Variants in HNRNPF observed in about 807,000 individuals in gnomAD.
HNRNPF encodes the protein HnRNP F protein.
A neutral mutation model predicts 26.0 loss-of-function variants in HNRNPF; 2 were observed. That is an observed-to-expected ratio of 0.08 (90% confidence interval 0.03 to 0.24). HNRNPF has a LOEUF of 0.24. Among genes scored for constraint, HNRNPF ranks in the 10% least tolerant of loss-of-function variants. The pLI, the probability that HNRNPF is intolerant of heterozygous loss-of-function variation, is 1.00. For synonymous variants in HNRNPF, 234 were observed against 211.5 expected (o/e 1.11, Z -0.92); for missense variants, 299 against 539.2 (o/e 0.55, Z 4.41).
intron 3 of HNRNPF, among the ~76,000 whole-genome samples, chr10:43,391,968 G>A (rs1432897067): frequency 4.6e-5 from 7 of 152,270 alleles, no homozygotes; most frequent in Admixed American, 3.3e-4. Flanking sequence ...TCAAGGCCAC[G>A]TGTGGTGGCT....
At chr10:43,401,661 A>G (rs1436871805) in intron 1 of HNRNPF, among the ~76,000 whole-genome samples, 1 of 152,198 alleles carries the variant, frequency 6.6e-6, no homozygotes, top group East Asian at 1.9e-4. Flanking sequence ...AATTGATAGG[A>G]AGATCAATTT....
chr10:43,408,039 A>G lies in HNRNPF; in HGVS notation c.-247+1092T>C, dbSNP rs1838987422. ...TCAGAGCAAGCGACCCTCCCGCCTC[A>G]GCCTCCCGAGTAGCTGGGACAACAG... On this transcript the variant is annotated intron_variant, in intron 1 of 3. Coordinates refer to ENST00000682386, the MANE Select transcript of HNRNPF (RefSeq NM_001098204.2). 2.6e-5 allele frequency among the ~76,000 whole-genome samples: 4 copies of G among 152,186 alleles called. No individual in the cohort carries two copies. In the South Asian group the frequency reaches 8.3e-4, roughly 31 times the overall value.
At chr10:43,399,768 G>A (rs1838694403) in intron 1 of HNRNPF, among the ~76,000 whole-genome samples, 1 of 152,196 alleles carries the variant, frequency 6.6e-6, no homozygotes, top group Non-Finnish European at 1.5e-5. Flanking sequence ...GACTCACCAA[G>A]AAATACTACG....
rs1008012213 is a variant in HNRNPF at position 43,392,407 on chromosome 10, C to T, written c.-53+2223G>A. Among the ~76,000 whole-genome samples, 3 of 152,086 alleles carry T rather than the reference C, an allele frequency of 2.0e-5. No individual in the cohort carries two copies. In the East Asian group the frequency reaches 5.8e-4, roughly 29 times the overall value. ...TACAAAAATTAGCCAGGCGTCGTGG[C>T]GGGCGCCAGTAATCCCAGCTACTCC... On this transcript the variant is annotated intron_variant, in intron 3 of 3. Transcript: ENST00000682386.
Position 43,408,113 on chromosome 10 carries a change from G to T in HNRNPF, c.-247+1018C>A, listed in dbSNP as rs1399018759. Among the ~76,000 whole-genome samples, 5 of 152,040 alleles carry T rather than the reference G, an allele frequency of 3.3e-5. No individual in the cohort carries two copies. The East Asian group carries it at 9.6e-4, about 29-fold the overall frequency. On this transcript the variant is annotated intron_variant, in intron 1 of 3. Coordinates refer to ENST00000682386, the MANE Select transcript of HNRNPF (RefSeq NM_001098204.2). ...ATTTTTTTTTCTTTACTTTTCAGTA[G>T]AGACAGTCTATGTTGCCCAGGCTTG...
At chr10:43,408,933 C>T (rs1839017818) in intron 1 of HNRNPF, 198 bp downstream of exon 1, 1 of 152,430 alleles carries the variant, frequency 6.6e-6, no homozygotes, top group Non-Finnish European at 1.5e-5. Context: ...CGGCCCCAAT[C>T]CTCAGCGCCT....
In HNRNPF at chr10:43,387,749, T is replaced by C. The variant is rs762990867; in HGVS notation, c.136A>G (p.Ile46Val). The part of the protein sequence containing the change: ...IHDGAAGVHF[I>V]YTREGRQSGE... ...CTCTGCCTGCCCTCTCTAGTGTAGA[T>C]GAAATGGACACCTGCGGCCCCATCA... Residue 46 changes from isoleucine to valine, a missense_variant, in exon 4 of 4, where the codon ATC (isoleucine) becomes GTC (valine). By Grantham distance (29) the Ile-to-Val change is conservative. Transcript: ENST00000682386. The surrounding 1 kb of genome is among the most constrained non-coding windows in gnomAD (Gnocchi z 6.0). The C allele has an allele frequency of 6.2e-7, 1 of 1,613,832 alleles. No individual in the cohort carries two copies. The highest frequency in any genetic ancestry group is 8.5e-7 in the Non-Finnish European group (1 of 1,180,004).
intron 1 of HNRNPF, among the ~76,000 whole-genome samples, chr10:43,398,377 T>A (rs1422787060): frequency 6.7e-6 from 1 of 149,822 alleles, no homozygotes; most frequent in African/African-American, 2.5e-5. Context: ...AGTCTTGCTC[T>A]GTTGCCCGGG....
intron 3 of HNRNPF, among the ~76,000 whole-genome samples, chr10:43,389,176 T>TG (rs1425488756): frequency 2.0e-5 from 3 of 152,078 alleles, no homozygotes; most frequent in Non-Finnish European, 4.4e-5. Flanking sequence ...TTCACCATGT[T>TG]GGCGAGGTTG....
At chr10:43,408,004 A>T (rs753293692) in intron 1 of HNRNPF, among the ~76,000 whole-genome samples, 2 of 152,194 alleles carry the variant, frequency 1.3e-5, no homozygotes, top group Non-Finnish European at 2.9e-5. Flanking sequence ...CTGTCACTGC[A>T]GCCTCGACCT....
intron 1 of HNRNPF, among the ~76,000 whole-genome samples, chr10:43,406,524 A>G (rs2131994012): frequency 6.6e-6 from 1 of 152,190 alleles, no homozygotes; most frequent in Non-Finnish European, 1.5e-5. Flanking sequence ...AGGAGACCCC[A>G]TCTCTACAAA....
chr10:43,396,749 C>T (rs1838539292), intron 1 of HNRNPF, 159 bp from the exon 2 acceptor site: 1 of 152,040 alleles, frequency 6.6e-6, no homozygotes, highest in Non-Finnish European at 1.5e-5. Flanking sequence ...AGCCTCGGAC[C>T]GCCCGGCCCG....
At chr10:43,399,030 T>G (rs1308273631) in intron 1 of HNRNPF, among the ~76,000 whole-genome samples, 1 of 152,016 alleles carries the variant, frequency 6.6e-6, no homozygotes, top group African/African-American at 2.4e-5. Flanking sequence ...CAATTAAGTT[T>G]TAGAAATCCA....
intron 3 of HNRNPF, among the ~76,000 whole-genome samples, chr10:43,391,137 CA>C (rs1156640949): frequency 6.6e-6 from 1 of 151,988 alleles, no homozygotes; most frequent in African/African-American, 2.4e-5. Flanking sequence ...ACTAAAAATA[CA>C]AAAAACTAGC....
intron 1 of HNRNPF, among the ~76,000 whole-genome samples, chr10:43,408,092 T>C (rs544955969): frequency 2.0e-5 from 3 of 152,214 alleles, no homozygotes; most frequent in African/African-American, 7.2e-5. Context: ...TGGCTAATTT[T>C]TTTTTCTTTA....
chr10:43,406,208 G>A (rs2131993498), intron 1 of HNRNPF, among the ~76,000 whole-genome samples: 1 of 152,276 alleles, frequency 6.6e-6, no homozygotes, highest in South Asian at 2.1e-4. Context: ...TCCAAGGAAA[G>A]GGCCTGTCAC....
At chr10:43,399,790 TAC>T (rs1838694849) in intron 1 of HNRNPF, among the ~76,000 whole-genome samples, 1 of 152,114 alleles carries the variant, frequency 6.6e-6, no homozygotes, top group Non-Finnish European at 1.5e-5. Context: ...ACCTAAAAGA[TAC>T]AGGAACTGTA....
intron 3 of HNRNPF, among the ~76,000 whole-genome samples, chr10:43,391,243 A>G (rs911839780): frequency 4.6e-5 from 7 of 151,792 alleles, no homozygotes; most frequent in Admixed American, 1.3e-4. Flanking sequence ...CAGTAAGCCA[A>G]GATCGCACCA....
intron 3 of HNRNPF, among the ~76,000 whole-genome samples, chr10:43,393,499 G>A (rs978135626): frequency 6.6e-6 from 1 of 152,114 alleles, no homozygotes; most frequent in Non-Finnish European, 1.5e-5. Flanking sequence ...GGAAGGCTGA[G>A]GCAGGAGAAT....
Sources: gnomAD v4.1 joint callset for allele counts (sites outside exome capture counted in the v4.1 genomes callset) on GRCh38, gnomAD v4.1.1 for gene constraint, Gnocchi (gnomAD v3.1) non-coding constraint, MANE v1.5 for transcripts, NCBI Gene and HGNC (gene_info 2026-07-23, HGNC 2026-07-21) for gene names.